The following CD48 variants were observed in gnomAD, a reference collection of about 807,000 sequenced individuals.
CD48 encodes the protein CD48 molecule.
A neutral mutation model predicts 22.0 loss-of-function variants in CD48; 20 were observed. The ratio of observed to expected loss-of-function variants is 0.91; its 90% confidence interval spans 0.64 to 1.32. The LOEUF (loss-of-function observed/expected upper bound fraction) is 1.32, where lower values mean the gene tolerates loss of function less well. Among genes scored for constraint, CD48 ranks in the 40% most tolerant of loss-of-function variants. The pLI is 0.00. For missense variants in CD48, 307 were observed against 286.5 expected (o/e 1.07, Z -0.52); for synonymous variants, 110 against 110.1 (o/e 1.00, Z 0.01).
intron 2 of CD48, chr1:160,684,444 G>C (rs1661915216): frequency 3.2e-6 from 1 of 313,382 alleles, no homozygotes; most frequent in Non-Finnish European, 6.0e-6. Context: ...GCTATGAGTG[G>C]AAGTTTTTTT....
intron 1 of CD48, among the ~76,000 whole-genome samples, chr1:160,689,644 A>C (rs1011680140): frequency 3.3e-5 from 5 of 152,166 alleles, no homozygotes; most frequent in African/African-American, 1.2e-4. Context: ...ATTGATTTAC[A>C]CCTATTGTGA....
chr1:160,693,925 C>T (rs11802999), intron 1 of CD48, among the ~76,000 whole-genome samples: 9,806 of 152,250 alleles, frequency 0.064, 45 homozygotes, highest in Non-Finnish European at 0.096. Flanking sequence ...AACAATTGTC[C>T]CCCGCCACAA....
chr1:160,688,212 C>T (rs1662071047), intron 1 of CD48, among the ~76,000 whole-genome samples: 1 of 152,158 alleles, frequency 6.6e-6, no homozygotes, highest in Non-Finnish European at 1.5e-5. Context: ...GATGTAATGC[C>T]ATTCCATCAG....
chr1:160,681,942 T>A (rs1250129709), intron 2 of CD48, among the ~76,000 whole-genome samples: 1 of 152,114 alleles, frequency 6.6e-6, no homozygotes, highest in Non-Finnish European at 1.5e-5. Flanking sequence ...CGTGGCAAAG[T>A]CCTTTGCACA....
At chr1:160,690,961 G>A (rs910324843) in intron 1 of CD48, among the ~76,000 whole-genome samples, 1 of 152,150 alleles carries the variant, frequency 6.6e-6, no homozygotes, top group Non-Finnish European at 1.5e-5. Flanking sequence ...CAAACTCAGG[G>A]TTAAATGGAT....
Position 160,685,094 on chromosome 1 carries a change from A to G in CD48, c.178T>C (p.Tyr60His). 6.2e-7 allele frequency: 1 copy of G among 1,614,092 alleles called. No homozygotes were observed. The highest frequency in any genetic ancestry group is 2.2e-5 in the East Asian group (1 of 44,886). The change falls in exon 2 of 4, where the codon TAT becomes CAT. Residue 60 changes from tyrosine to histidine, a missense_variant. Transcript: ENST00000368046. ...PENYKQLTWFYTFDQKIVEWD... is the reference protein window; with the variant it reads ...PENYKQLTWFHTFDQKIVEWD... Reference sequence around the variant, plus strand: ...TCTACAATCTTCTGGTCGAAAGTATAAAACCAGGTTAGTTGTTTGTAGTTC... The same window carrying G: ...TCTACAATCTTCTGGTCGAAAGTATGAAACCAGGTTAGTTGTTTGTAGTTC...
intron 3 of CD48, chr1:160,680,513 T>C: frequency 1.1e-6 from 1 of 925,722 alleles, no homozygotes; most frequent in Non-Finnish European, 1.3e-6. Context: ...GTCCTAGAAG[T>C]GACCCCAGGT....
chr1:160,698,388 G>C (rs1016373490), intron 1 of CD48, among the ~76,000 whole-genome samples: 1 of 152,108 alleles, frequency 6.6e-6, no homozygotes, highest in African/African-American at 2.4e-5. Context: ...AGATCCAAAA[G>C]ATTCATTTTT....
At chr1:160,690,880 A>C (rs111422694) in intron 1 of CD48, among the ~76,000 whole-genome samples, 19,986 of 151,930 alleles carry the variant, frequency 0.13, 1,617 homozygotes, top group African/African-American at 0.22. Flanking sequence ...AAGAAAAATT[A>C]TTCTGCCTTG....
intron 1 of CD48, among the ~76,000 whole-genome samples, chr1:160,705,487 A>C (rs1327137049): frequency 1.3e-5 from 2 of 152,188 alleles, no homozygotes; most frequent in African/African-American, 4.8e-5. Context: ...CTGTGGTCTA[A>C]TTAATGTTTA....
chr1:160,684,524 C>T (rs1190470536), intron 2 of CD48: 6 of 536,892 alleles, frequency 1.1e-5, no homozygotes, highest in Non-Finnish European at 1.6e-5. Flanking sequence ...TTAATACATT[C>T]TCTTTTTTCT....
chr1:160,681,342 G>A lies in CD48; in HGVS notation c.512C>T (p.Pro171Leu), dbSNP rs1337080513. 2 of 1,614,148 alleles carry A rather than the reference G, an allele frequency of 1.2e-6. No homozygotes were observed. The highest frequency in any genetic ancestry group is 1.3e-5 in the African/African-American group (1 of 75,006). The change falls in exon 3 of 4, where the codon CCC becomes CTC. Residue 171 changes from proline (P) to leucine (L), a missense_variant. Coordinates refer to ENST00000368046, the MANE Select transcript of CD48 (RefSeq NM_001778.4). ...ACTGTTCTGGAGCTCCTTTGGGAAG[G>A]GCCTTTTGTCCCCATACCAGGTGTA... ...VNYTWYGDKRPFPKELQNSVL... is the reference protein window; with the variant it reads ...VNYTWYGDKRLFPKELQNSVL...
chr1:160,687,391 G>C (rs893429038), intron 1 of CD48, among the ~76,000 whole-genome samples: 1 of 152,206 alleles, frequency 6.6e-6, no homozygotes, highest in African/African-American at 2.4e-5. Flanking sequence ...ACAGGATTAA[G>C]AGATTAAAGT....
At chr1:160,699,387 A>G in intron 1 of CD48, 1 of 154,038 alleles carries the variant, frequency 6.5e-6, no homozygotes, top group Non-Finnish European at 1.4e-5. Context: ...GGTATTGTCC[A>G]AGGTTTCTCC....
intron 1 of CD48, 100 bp downstream of exon 1, chr1:160,711,582 C>G: frequency 1.1e-6 from 1 of 874,596 alleles, no homozygotes; most frequent in Non-Finnish European, 1.9e-6. Context: ...TTTCCAGACA[C>G]CAGATCTGGC....
rs1186399797 is a variant in CD48, at chr1:160,711,815, A to G, written c.-52T>C. The stretch of plus-strand genomic sequence containing the variant: ...GCAGGAGACAGTTGAGAGCCTGGCT[A>G]GAAAAAGGCCGGGGCTAAAAACGGA... On this transcript the variant is annotated 5_prime_UTR_variant, in exon 1 of 4. Transcript: ENST00000368046. 1 of 1,351,194 alleles carries G rather than the reference A, an allele frequency of 7.4e-7. No homozygotes were observed. The highest frequency in any genetic ancestry group is 1.1e-6 in the Non-Finnish European group (1 of 943,096). 83.7% of individuals were successfully genotyped at this position (1,351,194 alleles called of 1,614,324 possible).
At chr1:160,702,050 A>G (rs1384741731) in intron 1 of CD48, among the ~76,000 whole-genome samples, 1 of 152,164 alleles carries the variant, frequency 6.6e-6, no homozygotes, top group Non-Finnish European at 1.5e-5. Context: ...CAACTGACTC[A>G]CCAGACGCAA....
At chr1:160,697,076 A>T (rs572743906) in intron 1 of CD48, among the ~76,000 whole-genome samples, 1 of 152,290 alleles carries the variant, frequency 6.6e-6, no homozygotes, top group East Asian at 1.9e-4. Context: ...TTTTTTAAAC[A>T]TTTATAGAAA....
intron 1 of CD48, among the ~76,000 whole-genome samples, chr1:160,696,170 G>T (rs970914543): frequency 6.6e-6 from 1 of 152,298 alleles, no homozygotes; most frequent in Non-Finnish European, 1.5e-5. Context: ...CCAAAAGAAC[G>T]AGTAATCAAA....
Sources: gnomAD v4.1 joint callset for allele counts (sites outside exome capture counted in the v4.1 genomes callset) on GRCh38, gnomAD v4.1.1 for gene constraint, MANE v1.5 for transcripts, NCBI Gene and HGNC (gene_info 2026-07-23, HGNC 2026-07-21) for gene names.